The following DLG2 variants were observed in gnomAD, a reference collection of about 807,000 sequenced individuals.
The protein encoded by DLG2 is disks large homolog 2.
In DLG2, 45 loss-of-function variants were observed where a neutral mutation model predicts 132.5. The ratio of observed to expected loss-of-function variants is 0.34; its 90% CI spans 0.27 to 0.44. DLG2 has a LOEUF of 0.44. DLG2 is among the 20% of genes least tolerant of loss of function. DLG2 has a pLI of 1.00. For missense variants in DLG2, 1,045 were observed against 1,196.9 expected (o/e 0.87, Z 1.87); for synonymous variants, 424 against 419.6 (o/e 1.01, Z -0.13).
chr11:84,605,031 ATTTGT>A (rs2099582930), intron 6 of DLG2, among the ~76,000 whole-genome samples: 1 of 151,880 alleles, frequency 6.6e-6, no homozygotes, highest in Non-Finnish European at 1.5e-5. Flanking sequence ...ACTGTTTGGT[ATTTGT>A]TTTGGTTTGT....
intron 21 of DLG2, among the ~76,000 whole-genome samples, chr11:83,518,653 T>C (rs1160284366): frequency 1.3e-5 from 2 of 152,176 alleles, no homozygotes; most frequent in African/African-American, 2.4e-5. Flanking sequence ...GCTGTTCCTA[T>C]TCGGCCATCT....
intron 7 of DLG2, among the ~76,000 whole-genome samples, chr11:84,355,785 G>A (rs1315641701): frequency 6.6e-6 from 1 of 152,000 alleles, no homozygotes; most frequent in Non-Finnish European, 1.5e-5. Flanking sequence ...TATAAAAATC[G>A]TGCCAAAAGA....
At chr11:85,035,804 G>A (rs1271259058) in intron 6 of DLG2, among the ~76,000 whole-genome samples, 2 of 152,126 alleles carry the variant, frequency 1.3e-5, no homozygotes, top group Non-Finnish European at 1.5e-5. Flanking sequence ...GCCTTTGTTA[G>A]CTTTGATTAA....
intron 15 of DLG2, among the ~76,000 whole-genome samples, chr11:83,888,753 C>T (rs966197155): frequency 1.3e-5 from 2 of 152,094 alleles, no homozygotes; most frequent in Non-Finnish European, 2.9e-5. Context: ...GGTACCAAAA[C>T]AGAGATATAG....
At position 85,132,249 on chromosome 11, in the gene DLG2, G is replaced by A. The variant is rs573970460; in HGVS notation, c.283-20514C>T. ...AAATATTGTGTTTGTTTTAACTCAG[G>A]GCCTTGAGATTTTTTTCCTTTAAAA... is the stretch of plus-strand genomic sequence containing the variant. On this transcript the variant is annotated intron_variant, in intron 5 of 27. Coordinates refer to ENST00000376104, the MANE Select transcript of DLG2 (RefSeq NM_001142699.3). Among the ~76,000 whole-genome samples, 8 of 151,900 alleles carry A rather than the reference G, an allele frequency of 5.3e-5. No individual in the cohort carries two copies. The South Asian group carries it at 1.7e-3, about 32-fold the overall frequency.
chr11:85,433,767 A>C (rs1028813840), intron 3 of DLG2, among the ~76,000 whole-genome samples: 2 of 152,208 alleles, frequency 1.3e-5, no homozygotes, highest in African/African-American at 4.8e-5. Context: ...AGCAAGATAG[A>C]AAATTAACAA....
chr11:84,510,811 G>T (rs2099255095), intron 7 of DLG2, among the ~76,000 whole-genome samples: 1 of 148,586 alleles, frequency 6.7e-6, no homozygotes, highest in Admixed American at 6.7e-5. Flanking sequence ...CAGGATAACT[G>T]TTTTTTGTTT....
chr11:84,714,410 G>A (rs1378359098), intron 6 of DLG2, among the ~76,000 whole-genome samples: 1 of 152,030 alleles, frequency 6.6e-6, no homozygotes, highest in African/African-American at 2.4e-5. Context: ...GTCTGGGAGA[G>A]GTGGAGAAAG....
intron 18 of DLG2, among the ~76,000 whole-genome samples, chr11:83,749,624 G>T (rs879801122): frequency 2.0e-5 from 3 of 152,096 alleles, no homozygotes; most frequent in Non-Finnish European, 4.4e-5. Flanking sequence ...TGCCATCTTT[G>T]AGTTTAAGCA....
At position 84,698,635 on chromosome 11, in the gene DLG2, T is replaced by G. The variant is rs548685204; in HGVS notation, c.358-163904A>C. 7.3e-5 allele frequency among the ~76,000 whole-genome samples: 11 copies of G among 151,718 alleles called. No individual in the cohort carries two copies. In the East Asian group the frequency reaches 2.1e-3, roughly 29 times the overall value. On this transcript the variant is annotated intron_variant, in intron 6 of 27. Transcript: ENST00000376104. Reference sequence around the variant, plus strand: ...AGTTTAATTGTTCTTTTATAGCATATATCCAAAGATGTGTATCTGAAAAAA... The same window carrying G: ...AGTTTAATTGTTCTTTTATAGCATAGATCCAAAGATGTGTATCTGAAAAAA...
At chr11:83,768,778 G>A (rs1030657593) in intron 18 of DLG2, among the ~76,000 whole-genome samples, 2 of 152,184 alleles carry the variant, frequency 1.3e-5, no homozygotes, top group African/African-American at 4.8e-5. Flanking sequence ...ACTAGTTAAA[G>A]GAGCATGGCC....
chr11:84,410,064 T>C (rs911114015), intron 7 of DLG2, among the ~76,000 whole-genome samples: 2 of 152,214 alleles, frequency 1.3e-5, no homozygotes, highest in Admixed American at 1.3e-4. Flanking sequence ...GGAAGGTAAC[T>C]CCTAGGCAAG....
intron 20 of DLG2, among the ~76,000 whole-genome samples, chr11:83,533,964 A>G (rs1253311244): frequency 2.0e-5 from 3 of 152,218 alleles, no homozygotes; most frequent in African/African-American, 7.2e-5. Flanking sequence ...AGCTGTTGCC[A>G]TAGTCCAGGT....
chr11:83,474,203 C>G (rs1312719047), intron 22 of DLG2, among the ~76,000 whole-genome samples: 1 of 152,060 alleles, frequency 6.6e-6, no homozygotes, highest in East Asian at 1.9e-4. Context: ...AGTGAGGAGT[C>G]AGATTCACTA....
At chr11:85,051,265 A>G (rs772525888) in intron 6 of DLG2, among the ~76,000 whole-genome samples, 9 of 152,166 alleles carry the variant, frequency 5.9e-5, no homozygotes, top group Non-Finnish European at 1.2e-4. Flanking sequence ...GAAGAAATAT[A>G]TACTTGCAGT....
intron 4 of DLG2, among the ~76,000 whole-genome samples, chr11:85,270,743 C>T (rs1418031822): frequency 6.6e-6 from 1 of 152,140 alleles, no homozygotes; most frequent in Non-Finnish European, 1.5e-5. Flanking sequence ...TATGGTTTAG[C>T]AAAGAGACTG....
intron 7 of DLG2, among the ~76,000 whole-genome samples, chr11:84,339,200 G>A (rs935882018): frequency 9.9e-5 from 15 of 152,034 alleles, no homozygotes; most frequent in Non-Finnish European, 1.6e-4. Flanking sequence ...GGAGGGTTAC[G>A]GGCTGATCAT....
At chr11:83,889,773 G>A in intron 15 of DLG2, among the ~76,000 whole-genome samples, 1 of 152,094 alleles carries the variant, frequency 6.6e-6, no homozygotes, top group Non-Finnish European at 1.5e-5. Flanking sequence ...GGAATACTAT[G>A]CAGCCATAAA....
intron 5 of DLG2, among the ~76,000 whole-genome samples, chr11:85,122,790 C>G (rs118112578): frequency 2.0e-5 from 3 of 150,236 alleles, no homozygotes; most frequent in African/African-American, 7.4e-5. Flanking sequence ...AGGATTATAA[C>G]GAGAGTTGCA....
Sources: gnomAD v4.1 joint callset for allele counts (sites outside exome capture counted in the v4.1 genomes callset) on GRCh38, gnomAD v4.1.1 for gene constraint, MANE v1.5 for transcripts, NCBI Gene and HGNC (gene_info 2026-07-23, HGNC 2026-07-21) for gene names.